Variants in GIGYF2 observed in about 807,000 individuals in gnomAD.
The protein encoded by GIGYF2 is GRB10-interacting GYF protein 2.
GIGYF2 carries 25 observed loss-of-function variants against 208.1 expected under a neutral mutation model. The ratio of observed to expected loss-of-function variants is 0.12; its 90% CI spans 0.09 to 0.17. The LOEUF (loss-of-function observed/expected upper bound fraction) is 0.17, where lower values mean the gene tolerates loss of function less well. Among genes scored for constraint, GIGYF2 ranks in the 10% least tolerant of loss-of-function variants. The pLI is 1.00. For synonymous variants in GIGYF2, 534 were observed against 543.8 expected (o/e 0.98, Z 0.25); for missense variants, 1,302 against 1,579.4 (o/e 0.82, Z 2.98).
Position 232,700,634 on chromosome 2 carries a change from G to A in GIGYF2, c.-109-2790G>A, listed in dbSNP as rs373111551. 13 of 152,270 alleles carry A rather than the reference G, an allele frequency of 8.5e-5. No homozygotes were observed. The East Asian group carries it at 2.3e-3, about 27-fold the overall frequency. The allele number at this position is 152,270 out of a possible 1,614,324, so 9.4% of individuals were successfully genotyped here. Reference sequence around the variant, plus strand: ...GGTTGAATCTACAGCCTATGTTGGTGTTAACCCAGGTCTCTTAGAGGCAAG... The same window carrying A: ...GGTTGAATCTACAGCCTATGTTGGTATTAACCCAGGTCTCTTAGAGGCAAG... On this transcript the variant is annotated intron_variant, in intron 1 of 28. Coordinates refer to ENST00000373563, the MANE Select transcript of GIGYF2 (RefSeq NM_001103146.3).
At chr2:232,775,387 A>G (rs1699468774) in intron 8 of GIGYF2, among the ~76,000 whole-genome samples, 1 of 152,230 alleles carries the variant, frequency 6.6e-6, no homozygotes, top group South Asian at 2.1e-4. Flanking sequence ...AAAGCTCTAC[A>G]GACTTATGTA....
chr2:232,709,285 C>G (rs945753591), intron 2 of GIGYF2, among the ~76,000 whole-genome samples: 1 of 152,070 alleles, frequency 6.6e-6, no homozygotes, highest in Non-Finnish European at 1.5e-5. Context: ...TGAATGGTGG[C>G]TTTTATGATT....
At chr2:232,841,057 C>A (rs1295455875) in intron 23 of GIGYF2, among the ~76,000 whole-genome samples, 1 of 151,028 alleles carries the variant, frequency 6.6e-6, no homozygotes. Context: ...GACCTTATTT[C>A]CCACCTTTAT....
At chr2:232,717,773 G>A (rs1400892770) in intron 2 of GIGYF2, among the ~76,000 whole-genome samples, 1 of 151,808 alleles carries the variant, frequency 6.6e-6, no homozygotes, top group Non-Finnish European at 1.5e-5. Context: ...GAGGTGTCAG[G>A]CTGTTTTTAA....
At chr2:232,699,016 T>C (rs1695729275) in intron 1 of GIGYF2, among the ~76,000 whole-genome samples, 1 of 152,242 alleles carries the variant, frequency 6.6e-6, no homozygotes, top group Non-Finnish European at 1.5e-5. Flanking sequence ...ATGGAATTCA[T>C]TTCTAGACAG....
chr2:232,858,617 A>T lies in GIGYF2; in HGVS notation c.*1757A>T. The T allele has an allele frequency of 2.2e-6, 1 of 453,538 alleles. No homozygotes were observed. Among genetic ancestry groups the T allele is most frequent in the Non-Finnish European group, 4.4e-6 (1 of 226,206 alleles). The allele number at this position is 453,538 out of a possible 1,614,324, so 28.1% of individuals were successfully genotyped here. On this transcript the variant is annotated 3_prime_UTR_variant, in exon 29 of 29. Transcript: ENST00000373563. ...TAAAAAAGAACTTAAATAAAATCTG[A>T]TTGTATTCTATCTGAGTGCACCTCT...
chr2:232,763,032 T>A (rs890941182), intron 8 of GIGYF2, among the ~76,000 whole-genome samples: 1 of 151,736 alleles, frequency 6.6e-6, no homozygotes, highest in African/African-American at 2.4e-5. Flanking sequence ...AAAAAAAAAA[T>A]TAAAGGTGTG....
chr2:232,741,847 A>G (rs922532229), intron 3 of GIGYF2, among the ~76,000 whole-genome samples: 3 of 152,102 alleles, frequency 2.0e-5, no homozygotes, highest in African/African-American at 7.2e-5. Context: ...CAATATCTCT[A>G]TGTCCACTTA....
At chr2:232,787,026 GA>G (rs200472515) in intron 8 of GIGYF2, 123 bp from the exon 9 acceptor site, 2 of 579,646 alleles carry the variant, frequency 3.5e-6, no homozygotes, top group East Asian at 6.2e-5. Context: ...TTATTTTAGT[GA>G]TTTTTTTCTG....
At chr2:232,697,947 A>G (rs562171969) in intron 1 of GIGYF2, among the ~76,000 whole-genome samples, 27 of 152,282 alleles carry the variant, frequency 1.8e-4, no homozygotes, top group Admixed American at 7.2e-4. Context: ...CCGTGGCGAG[A>G]GTACTGGGTC....
At chr2:232,834,676 A>T (rs1415352623) in intron 22 of GIGYF2, among the ~76,000 whole-genome samples, 1 of 152,090 alleles carries the variant, frequency 6.6e-6, no homozygotes, top group African/African-American at 2.4e-5. Flanking sequence ...AGTGATGCTT[A>T]TGTTGATGCA....
intron 21 of GIGYF2, among the ~76,000 whole-genome samples, chr2:232,827,545 T>C (rs1701287810): frequency 6.6e-6 from 1 of 152,242 alleles, no homozygotes; most frequent in Non-Finnish European, 1.5e-5. Context: ...ATTTTATTCA[T>C]TGTTATTCTT....
Position 232,756,345 on chromosome 2 carries a change from A to G in GIGYF2, c.379+11A>G, listed in dbSNP as rs775895998. On this transcript the variant is annotated intron_variant, in intron 6 of 28. Coordinates refer to ENST00000373563, the MANE Select transcript of GIGYF2 (RefSeq NM_001103146.3). ...CTTCAAGAGGGCGAGGTGAGCTTTC[A>G]TATGAAAAAAGTAATAATGGAGGAG... The G allele has an allele frequency of 4.3e-6, 6 of 1,404,878 alleles. No homozygotes were observed. In the African/African-American group the frequency reaches 5.8e-5, roughly 14 times the overall value. The allele number at this position is 1,404,878 out of a possible 1,614,324, so 87.0% of individuals were successfully genotyped here.
At chr2:232,735,910 T>C in intron 3 of GIGYF2, 4 of 983,938 alleles carry the variant, frequency 4.1e-6, no homozygotes, top group African/African-American at 1.7e-5. Flanking sequence ...TAATAATTAC[T>C]TTTTCTATTC....
In GIGYF2 at chr2:232,852,362, A is replaced by G. The variant is rs556236220; in HGVS notation, c.3832+1953A>G. The stretch of plus-strand genomic sequence containing the variant: ...GGAGTTGGAGACCAGCCTGGCCAAC[A>G]TGGTGAAACCTCGTCTCTAGTAAAA... On this transcript the variant is annotated intron_variant, in intron 28 of 28. Transcript: ENST00000373563. 5.3e-5 allele frequency among the ~76,000 whole-genome samples: 8 copies of G among 152,258 alleles called. No individual in the cohort carries two copies. The South Asian group carries it at 1.7e-3, about 32-fold the overall frequency.
chr2:232,807,854 A>G (rs1489176799), intron 15 of GIGYF2, among the ~76,000 whole-genome samples: 1 of 152,152 alleles, frequency 6.6e-6, no homozygotes, highest in Non-Finnish European at 1.5e-5. Context: ...TTTAGGCATG[A>G]GCCACTGCAC....
intron 18 of GIGYF2, 130 bp downstream of exon 18, chr2:232,812,621 A>AT (rs1407909013): frequency 6.3e-6 from 4 of 638,250 alleles, no homozygotes; most frequent in African/African-American, 3.7e-5. Context: ...CAAAAGGTCC[A>AT]TTTTTTACTA....
Position 232,811,950 on chromosome 2 carries a change from G to C in GIGYF2, c.2007-441G>C, listed in dbSNP as rs577901811. Among the ~76,000 whole-genome samples, 11 of 152,272 alleles carry C rather than the reference G, an allele frequency of 7.2e-5. No homozygotes were observed. The South Asian group carries it at 1.0e-3, about 14-fold the overall frequency. Reference sequence around the variant, plus strand: ...TAGGTGGTAGGAGCTCCATTTTATGGATGGGCAAACTGGGACTCTGAGAGG... The same window carrying C: ...TAGGTGGTAGGAGCTCCATTTTATGCATGGGCAAACTGGGACTCTGAGAGG... On this transcript the variant is annotated intron_variant, in intron 17 of 28. Coordinates refer to ENST00000373563, the MANE Select transcript of GIGYF2 (RefSeq NM_001103146.3).
chr2:232,728,552 A>C (rs879822583), intron 2 of GIGYF2, among the ~76,000 whole-genome samples: 4 of 152,160 alleles, frequency 2.6e-5, no homozygotes, highest in Non-Finnish European at 4.4e-5. Flanking sequence ...GTAAACTGAA[A>C]ACAGTAGTGC....
Sources: allele counts gnomAD v4.1 joint callset (sites outside exome capture counted in the v4.1 genomes callset), GRCh38; gene constraint gnomAD v4.1.1; transcripts MANE v1.5; gene names NCBI Gene and HGNC (gene_info 2026-07-23, HGNC 2026-07-21).